Variants in PLPPR1 observed in about 807,000 individuals in gnomAD.
The protein encoded by PLPPR1 is phospholipid phosphatase-related protein type 1.
PLPPR1 carries 10 observed loss-of-function variants against 33.1 expected under a neutral mutation model. The ratio of observed to expected loss-of-function variants is 0.30; its 90% confidence interval spans 0.19 to 0.51. The LOEUF (loss-of-function observed/expected upper bound fraction) is 0.51, where lower values mean the gene tolerates loss of function less well. Among genes scored for constraint, PLPPR1 ranks in the 20% least tolerant of loss-of-function variants. The pLI is 0.97. For missense variants in PLPPR1, 304 were observed against 408.1 expected, an observed-to-expected ratio of 0.74 and a Z score of 2.20; for synonymous variants, 151 against 151.0, an observed-to-expected ratio of 1.00 and a Z score of 0.00.
intron 1 of PLPPR1, among the ~76,000 whole-genome samples, chr9:101,120,318 A>G (rs903471134): frequency 2.6e-5 from 4 of 152,234 alleles, no homozygotes; most frequent in African/African-American, 9.6e-5. Flanking sequence ...TATTACTGGC[A>G]TTAGGCTTTG....
Position 101,222,902 on chromosome 9 carries a change from G to A in PLPPR1, c.63+37345G>A, listed in dbSNP as rs375039950. 2.5e-4 allele frequency among the ~76,000 whole-genome samples: 38 copies of A among 150,562 alleles called. 1 individual carries two copies. In the South Asian group the frequency reaches 3.1e-3, roughly 12 times the overall value. ...CAGGACCTATAATGATACATTCTAA[G>A]TAAAGCACCAGGACTTTAAGTGTTT... On this transcript the variant is annotated intron_variant, in intron 2 of 7. Transcript: ENST00000374874.
At chr9:101,091,290 T>C (rs1830738596) in intron 1 of PLPPR1, among the ~76,000 whole-genome samples, 1 of 152,178 alleles carries the variant, frequency 6.6e-6, no homozygotes, top group Non-Finnish European at 1.5e-5. Flanking sequence ...ATTGCTGCTC[T>C]AACAAATTGT....
intron 1 of PLPPR1, among the ~76,000 whole-genome samples, chr9:101,147,608 T>C (rs565833855): frequency 2.6e-5 from 4 of 152,004 alleles, no homozygotes; most frequent in East Asian, 3.9e-4. Flanking sequence ...GGGGGACATA[T>C]GTGGAGAAGA....
intron 2 of PLPPR1, among the ~76,000 whole-genome samples, chr9:101,235,874 A>G (rs1036614077): frequency 6.6e-6 from 1 of 151,820 alleles, no homozygotes; most frequent in Admixed American, 6.6e-5. Flanking sequence ...TAAAGCAGCT[A>G]TGAAGTTATT....
intron 2 of PLPPR1, among the ~76,000 whole-genome samples, chr9:101,199,085 C>T (rs1044437721): frequency 6.6e-6 from 1 of 152,180 alleles, no homozygotes; most frequent in Non-Finnish European, 1.5e-5. Context: ...ACAATAGATA[C>T]CATATTCCTT....
intron 1 of PLPPR1, among the ~76,000 whole-genome samples, chr9:101,129,188 C>T (rs1367344816): frequency 6.6e-6 from 1 of 152,014 alleles, no homozygotes; most frequent in African/African-American, 2.4e-5. Context: ...CCAAGAGATC[C>T]TTGTTTAAAA....
chr9:101,174,334 C>A (rs189554612), intron 1 of PLPPR1, among the ~76,000 whole-genome samples: 1 of 152,100 alleles, frequency 6.6e-6, no homozygotes, highest in Admixed American at 6.6e-5. Flanking sequence ...ATCATCATGA[C>A]GTTTTAAAAA....
At chr9:101,177,762 A>AT (rs111765758) in intron 1 of PLPPR1, among the ~76,000 whole-genome samples, 3 of 151,828 alleles carry the variant, frequency 2.0e-5, no homozygotes, top group African/African-American at 4.8e-5. Context: ...GACTATACCC[A>AT]TTTTTTCTAT....
chr9:101,059,697 C>T (rs1455089395), intron 1 of PLPPR1, among the ~76,000 whole-genome samples: 3 of 151,976 alleles, frequency 2.0e-5, no homozygotes, highest in African/African-American at 7.2e-5. Context: ...TACAAATGGC[C>T]ATCAGGTATA....
intron 1 of PLPPR1, among the ~76,000 whole-genome samples, chr9:101,050,792 A>G (rs543206759): frequency 2.0e-5 from 3 of 152,210 alleles, no homozygotes; most frequent in African/African-American, 7.2e-5. Context: ...ACAAACTAGA[A>G]CTCTTCTCAC....
At chr9:101,203,936 A>C (rs113465328) in intron 2 of PLPPR1, among the ~76,000 whole-genome samples, 2,458 of 152,110 alleles carry the variant, frequency 0.016, 77 homozygotes, top group African/African-American at 0.057. Context: ...TTTGAGAAAG[A>C]GTTATGTCTT....
intron 1 of PLPPR1, among the ~76,000 whole-genome samples, chr9:101,128,543 A>G (rs1044414613): frequency 2.0e-5 from 3 of 152,238 alleles, no homozygotes; most frequent in Non-Finnish European, 4.4e-5. Context: ...GAAAGCAGCA[A>G]ATAGATACTG....
At chr9:101,243,083 A>T (rs987968453) in intron 2 of PLPPR1, among the ~76,000 whole-genome samples, 12 of 152,078 alleles carry the variant, frequency 7.9e-5, no homozygotes, top group Admixed American at 2.0e-4. Context: ...GCATATTAAT[A>T]GGCACAGAGG....
intron 2 of PLPPR1, among the ~76,000 whole-genome samples, chr9:101,213,293 G>A (rs1216527314): frequency 6.6e-6 from 1 of 152,080 alleles, no homozygotes; most frequent in Non-Finnish European, 1.5e-5. Context: ...TAAATCAAGA[G>A]CTTATTTGAA....
intron 2 of PLPPR1, among the ~76,000 whole-genome samples, chr9:101,198,684 C>T (rs1439151145): frequency 1.3e-5 from 2 of 152,142 alleles, no homozygotes; most frequent in Admixed American, 6.5e-5. Context: ...GAGGAATTTA[C>T]ATGTAGACCA....
chr9:101,240,409 A>ACTGTTTTTTTTTTTTTTTTTTTTTTTTTT (rs1564012614), intron 2 of PLPPR1, among the ~76,000 whole-genome samples: 3 of 151,680 alleles, frequency 2.0e-5, no homozygotes, highest in Admixed American at 6.6e-5. Flanking sequence ...AAATTTTAGA[A>ACTGTTTTTTTTTTTTTTTTTTTTTTTTTT]TTGTTTTTTT....
At chr9:101,276,354 C>A (rs1828196728) in intron 3 of PLPPR1, among the ~76,000 whole-genome samples, 1 of 151,586 alleles carries the variant, frequency 6.6e-6, no homozygotes, top group African/African-American at 2.4e-5. Flanking sequence ...AACTTAAATC[C>A]ATTTTCTCAT....
intron 2 of PLPPR1, among the ~76,000 whole-genome samples, chr9:101,246,073 T>G (rs1588093456): frequency 2.1e-5 from 2 of 93,506 alleles, no homozygotes; most frequent in East Asian, 2.8e-4. Flanking sequence ...TATATATATA[T>G]ATATATATAT....
intron 1 of PLPPR1, among the ~76,000 whole-genome samples, chr9:101,175,241 G>A (rs1204331069): frequency 6.6e-6 from 1 of 151,972 alleles, no homozygotes; most frequent in African/African-American, 2.4e-5. Context: ...TCCAACTAGG[G>A]CTGCATTATT....
Sources: allele counts gnomAD v4.1 joint callset (sites outside exome capture counted in the v4.1 genomes callset), GRCh38; gene constraint gnomAD v4.1.1; transcripts MANE v1.5; gene names NCBI Gene and HGNC (gene_info 2026-07-23, HGNC 2026-07-21).